Variants in ANO6 observed in about 807,000 individuals in gnomAD.
The protein encoded by ANO6 is anoctamin-6.
A neutral mutation model predicts 117.5 loss-of-function variants in ANO6; 106 were observed. That is an observed-to-expected ratio of 0.90 (90% CI 0.77 to 1.06). The LOEUF (loss-of-function observed/expected upper bound fraction) is 1.06. Ranked by LOEUF, ANO6 falls within the 50% of genes least tolerant of loss-of-function variation. The pLI, the probability that ANO6 is intolerant of heterozygous loss-of-function variation, is 0.00. For synonymous variants in ANO6, 367 were observed against 385.1 expected (o/e 0.95, Z 0.55); for missense variants, 955 against 1,121.1 (o/e 0.85, Z 2.12).
intron 1 of ANO6, among the ~76,000 whole-genome samples, chr12:45,246,320 T>G (rs1244444861): frequency 2.6e-5 from 4 of 152,084 alleles, no homozygotes; most frequent in Admixed American, 2.6e-4. Context: ...TATCTTGCGG[T>G]TTTTGGTTTT....
chr12:45,370,269 G>A (rs1941789530), intron 9 of ANO6, among the ~76,000 whole-genome samples: 1 of 152,202 alleles, frequency 6.6e-6, no homozygotes, highest in South Asian at 2.1e-4. Context: ...CAAGCGTCCA[G>A]GATTCTCACA....
chr12:45,377,579 G>A (rs930201527), intron 9 of ANO6, among the ~76,000 whole-genome samples: 3 of 152,158 alleles, frequency 2.0e-5, no homozygotes, highest in Admixed American at 6.5e-5. Context: ...AGCTTTGTAC[G>A]TCTCTTAACA....
intron 19 of ANO6, among the ~76,000 whole-genome samples, chr12:45,438,452 G>A (rs952392983): frequency 6.6e-6 from 1 of 152,140 alleles, no homozygotes; most frequent in Non-Finnish European, 1.5e-5. Flanking sequence ...GAGTGCCAAT[G>A]TGATGCCATG....
At chr12:45,293,301 A>G (rs1226082798) in intron 1 of ANO6, among the ~76,000 whole-genome samples, 3 of 152,152 alleles carry the variant, frequency 2.0e-5, no homozygotes, top group Admixed American at 6.5e-5. Context: ...GAATAAGACA[A>G]TGGCTTGCCC....
chr12:45,380,833 G>T (rs890039788), intron 10 of ANO6, among the ~76,000 whole-genome samples: 1 of 152,122 alleles, frequency 6.6e-6, no homozygotes, highest in African/African-American at 2.4e-5. Context: ...TTAGCCAGGT[G>T]TGATGGTGCA....
intron 1 of ANO6, among the ~76,000 whole-genome samples, chr12:45,244,411 G>C (rs1342589383): frequency 2.7e-5 from 4 of 149,240 alleles, no homozygotes; most frequent in Middle Eastern, 3.2e-3. Flanking sequence ...TTTGGGGGGG[G>C]GGGGTGGTCT....
rs34322669 is a variant in ANO6 at position 45,246,759 on chromosome 12, C to CTT, written c.70+30390_70+30391dup. On this transcript the variant is annotated intron_variant, in intron 1 of 19. Transcript: ENST00000320560. ...CTTCACATGGGCTAGTTCCACCCTA[C>CTT]TTTTTTTTTTTTTTTTTTTTTTTGA... Among the ~76,000 whole-genome samples, 510 of 113,770 alleles carry CTT rather than the reference C, an allele frequency of 4.5e-3. 1 individual carries two copies. Among genetic ancestry groups the CTT allele is most frequent in the Non-Finnish European group, 6.0e-3 (336 of 56,340 alleles). 74.6% of individuals were successfully genotyped at this position (113,770 alleles called of 152,430 possible).
intron 1 of ANO6, among the ~76,000 whole-genome samples, chr12:45,255,484 A>G (rs1937777500): frequency 6.6e-6 from 1 of 151,980 alleles, no homozygotes; most frequent in South Asian, 2.1e-4. Flanking sequence ...AGCGACAGGG[A>G]CTCCATCTCA....
intron 10 of ANO6, among the ~76,000 whole-genome samples, chr12:45,382,068 A>G (rs958605020): frequency 5.3e-5 from 8 of 152,194 alleles, no homozygotes; most frequent in African/African-American, 1.9e-4. Context: ...AGTTCTGCCA[A>G]TAATTTGGCT....
At chr12:45,343,361 G>A (rs1172355176) in intron 3 of ANO6, among the ~76,000 whole-genome samples, 1 of 152,128 alleles carries the variant, frequency 6.6e-6, no homozygotes, top group African/African-American at 2.4e-5. Context: ...CATGCTAACT[G>A]AAATTCATGA....
chr12:45,403,664 T>C, intron 15 of ANO6, 128 bp downstream of exon 15: 1 of 783,284 alleles, frequency 1.3e-6, no homozygotes, highest in Non-Finnish European at 2.2e-6. Flanking sequence ...GATCAGAATC[T>C]GTTGTCATTA....
intron 1 of ANO6, among the ~76,000 whole-genome samples, chr12:45,298,605 G>A (rs1338262074): frequency 6.6e-6 from 1 of 152,140 alleles, no homozygotes; most frequent in Non-Finnish European, 1.5e-5. Context: ...CTACCTAGAT[G>A]ATGTTTCAAT....
In ANO6 at chr12:45,429,706, A is replaced by T. The variant is rs1943590372; in HGVS notation, c.*395A>T. The T allele has an allele frequency of 9.0e-7, 1 of 1,112,566 alleles. No homozygotes were observed. The highest frequency in any genetic ancestry group is 4.9e-5 in the Admixed American group (1 of 20,516). 68.9% of individuals were successfully genotyped at this position (1,112,566 alleles called of 1,614,324 possible). A position where few individuals can be genotyped will look rare whatever the true frequency, so the allele number is the denominator to read the frequency against. ...TTTTTAAGCCATGTTTCATTTCTTC[A>T]CTTGGCTAGATCTGTTCCAGGGTCA... On this transcript the variant is annotated 3_prime_UTR_variant, in exon 20 of 20. Coordinates refer to ENST00000320560, the MANE Select transcript of ANO6 (RefSeq NM_001025356.3).
intron 17 of ANO6, among the ~76,000 whole-genome samples, chr12:45,418,162 G>C (rs564117385): frequency 6.6e-6 from 1 of 152,196 alleles, no homozygotes; most frequent in East Asian, 1.9e-4. Flanking sequence ...CCCAATTGGA[G>C]GCACAGGAAT....
chr12:45,303,225 A>G (rs966143701), intron 2 of ANO6, among the ~76,000 whole-genome samples: 9 of 152,230 alleles, frequency 5.9e-5, no homozygotes, highest in African/African-American at 1.4e-4. Flanking sequence ...GTAGTATTCA[A>G]TGACTTCCCT....
At chr12:45,328,364 A>G (rs1191043292) in intron 2 of ANO6, among the ~76,000 whole-genome samples, 3 of 151,796 alleles carry the variant, frequency 2.0e-5, no homozygotes, top group Non-Finnish European at 2.9e-5. Flanking sequence ...AGTTCTTGGC[A>G]CTTTTTTGGC....
At chr12:45,339,651 A>G (rs1940923605) in intron 3 of ANO6, among the ~76,000 whole-genome samples, 1 of 152,092 alleles carries the variant, frequency 6.6e-6, no homozygotes, top group African/African-American at 2.4e-5. Flanking sequence ...ACTAACATTA[A>G]ATGTTTTTAT....
chr12:45,355,441 AT>A (rs1166710351), intron 7 of ANO6, among the ~76,000 whole-genome samples: 1 of 152,020 alleles, frequency 6.6e-6, no homozygotes, highest in Admixed American at 6.6e-5. Flanking sequence ...ATACAGCAGG[AT>A]TTTTTTTATT....
chr12:45,349,940 A>C (rs1004235169), intron 6 of ANO6, among the ~76,000 whole-genome samples: 2 of 152,186 alleles, frequency 1.3e-5, no homozygotes, highest in Non-Finnish European at 2.9e-5. Context: ...TTTTCCACTA[A>C]AGCCTCTTCT....
Sources: allele counts gnomAD v4.1 joint callset (sites outside exome capture counted in the v4.1 genomes callset), GRCh38; gene constraint gnomAD v4.1.1; transcripts MANE v1.5; gene names NCBI Gene and HGNC (gene_info 2026-07-23, HGNC 2026-07-21).